Variants in CDH13 observed in about 807,000 individuals in gnomAD.
The protein encoded by CDH13 is cadherin 13, also known as cadherin-13.
Under a neutral mutation model 63.8 loss-of-function variants are expected in CDH13, and 24 were observed. The observed-to-expected ratio is 0.38, with a 90% confidence interval of 0.27 to 0.53. The LOEUF is 0.53. Ranked by LOEUF, CDH13 falls within the 20% of genes least tolerant of loss-of-function variation. The pLI is 0.85. For missense variants in CDH13, 1,049 were observed against 903.1 expected, an observed-to-expected ratio of 1.16 and a Z score of -2.07; for synonymous variants, 503 against 355.3, an observed-to-expected ratio of 1.42 and a Z score of -4.67.
intron 1 of CDH13, among the ~76,000 whole-genome samples, chr16:82,722,172 A>G (rs2032814816): frequency 6.6e-6 from 1 of 152,182 alleles, no homozygotes; most frequent in South Asian, 2.1e-4. Flanking sequence ...AACCCTCTCA[A>G]TTTTAAGGGG....
intron 3 of CDH13, among the ~76,000 whole-genome samples, chr16:83,115,437 G>C (rs1425794970): frequency 6.6e-6 from 1 of 152,228 alleles, no homozygotes; most frequent in Non-Finnish European, 1.5e-5. Context: ...ATAAAGGTTA[G>C]AAGGAACCAG....
chr16:83,764,599 G>T (rs1405287064), intron 11 of CDH13, among the ~76,000 whole-genome samples: 1 of 152,020 alleles, frequency 6.6e-6, no homozygotes, highest in Non-Finnish European at 1.5e-5. Context: ...CCCTTCCTCT[G>T]TGAGGCTCCC....
intron 10 of CDH13, among the ~76,000 whole-genome samples, chr16:83,686,595 G>T (rs1904329916): frequency 6.6e-6 from 1 of 152,212 alleles, no homozygotes; most frequent in Non-Finnish European, 1.5e-5. Context: ...CACCTTGCAA[G>T]AACGGTGGAT....
intron 1 of CDH13, among the ~76,000 whole-genome samples, chr16:82,656,798 T>C (rs972769338): frequency 1.4e-4 from 22 of 152,194 alleles, no homozygotes; most frequent in African/African-American, 4.8e-4. Flanking sequence ...TCCATAGCTT[T>C]GCCTTTCCCA....
At chr16:83,210,181 C>T (rs1190822347) in intron 4 of CDH13, among the ~76,000 whole-genome samples, 1 of 152,052 alleles carries the variant, frequency 6.6e-6, no homozygotes, top group Non-Finnish European at 1.5e-5. Flanking sequence ...TCTCCTGCCT[C>T]AGCCTCCCGA....
At chr16:82,921,357 T>A (rs551176085) in intron 2 of CDH13, among the ~76,000 whole-genome samples, 11 of 152,262 alleles carry the variant, frequency 7.2e-5, no homozygotes, top group African/African-American at 9.6e-5. Context: ...TCACATCACT[T>A]TGATCCTCAA....
At chr16:82,966,036 T>A (rs1597315681) in intron 2 of CDH13, among the ~76,000 whole-genome samples, 1 of 152,220 alleles carries the variant, frequency 6.6e-6, no homozygotes, top group Non-Finnish European at 1.5e-5. Flanking sequence ...GCCTCAGAGG[T>A]ACCTTGGCAG....
intron 4 of CDH13, among the ~76,000 whole-genome samples, chr16:83,145,802 C>T (rs960971743): frequency 2.0e-5 from 3 of 152,162 alleles, no homozygotes; most frequent in East Asian, 1.9e-4. Context: ...TTATTGGAAT[C>T]TTTCACCTTC....
In CDH13 at chr16:83,096,539, A is replaced by C. The variant is rs568512505; in HGVS notation, c.367-28846A>C. Among the ~76,000 whole-genome samples, 130 of 152,332 alleles carry C rather than the reference A, an allele frequency of 8.5e-4. 1 individual carries two copies. Among genetic ancestry groups the C allele is most frequent in the African/African-American group, 2.8e-3 (115 of 41,580 alleles). ...TATGACCACATCTCCTGAGTATTTT[A>C]TTGCCACCACGACTCATGATTTCAA... On this transcript the variant is annotated intron_variant, in intron 3 of 13. Coordinates refer to ENST00000567109, the MANE Select transcript of CDH13 (RefSeq NM_001257.5).
At chr16:83,409,164 C>A (rs1400226710) in intron 6 of CDH13, among the ~76,000 whole-genome samples, 1 of 152,114 alleles carries the variant, frequency 6.6e-6, no homozygotes, top group Admixed American at 6.5e-5. Flanking sequence ...CAGCCAGCTG[C>A]TTTCATGAGA....
chr16:83,559,407 A>C (rs377592303), intron 7 of CDH13, among the ~76,000 whole-genome samples: 2 of 152,124 alleles, frequency 1.3e-5, no homozygotes, highest in East Asian at 3.9e-4. Flanking sequence ...CCCTGTCTCT[A>C]CTAAAAATAT....
At chr16:83,282,628 T>C (rs2151857762) in intron 5 of CDH13, among the ~76,000 whole-genome samples, 1 of 152,314 alleles carries the variant, frequency 6.6e-6, no homozygotes, top group East Asian at 1.9e-4. Context: ...GTTACTGTCC[T>C]TAGTGTAAAA....
At chr16:83,472,535 T>G (rs1025557235) in intron 6 of CDH13, among the ~76,000 whole-genome samples, 1 of 152,144 alleles carries the variant, frequency 6.6e-6, no homozygotes, top group Non-Finnish European at 1.5e-5. Context: ...GGGGCGGGAC[T>G]CACAACCCCA....
At chr16:82,855,130 G>T (rs147153099) in intron 1 of CDH13, among the ~76,000 whole-genome samples, 27 of 152,296 alleles carry the variant, frequency 1.8e-4, no homozygotes, top group African/African-American at 6.0e-4. Context: ...AGATAAAACT[G>T]TGCCTTTGGG....
intron 7 of CDH13, among the ~76,000 whole-genome samples, chr16:83,518,734 G>T (rs932737259): frequency 1.3e-5 from 2 of 152,060 alleles, no homozygotes; most frequent in African/African-American, 4.8e-5. Context: ...GCCTCCCAAA[G>T]TGCTGGGATT....
intron 4 of CDH13, among the ~76,000 whole-genome samples, chr16:83,215,126 G>C (rs1167273205): frequency 9.1e-6 from 1 of 109,906 alleles, no homozygotes; most frequent in Non-Finnish European, 1.7e-5. Flanking sequence ...ACTCAGGCTA[G>C]AGTGCAGTGG....
intron 10 of CDH13, among the ~76,000 whole-genome samples, chr16:83,724,405 T>C (rs1434264670): frequency 7.1e-6 from 1 of 141,360 alleles, no homozygotes; most frequent in Non-Finnish European, 1.6e-5. Context: ...CATGGGTGAG[T>C]GATGAATGCA....
intron 4 of CDH13, among the ~76,000 whole-genome samples, chr16:83,142,526 G>T (rs747048462): frequency 6.6e-6 from 1 of 152,072 alleles, no homozygotes; most frequent in South Asian, 2.1e-4. Context: ...TTACCTCCTC[G>T]GGGAAGCTTT....
chr16:83,181,111 G>C, intron 4 of CDH13: 1 of 1,067,484 alleles, frequency 9.4e-7, no homozygotes, highest in Non-Finnish European at 1.3e-6. Flanking sequence ...TCACATTATT[G>C]GGTATTTGGG....
Sources: gnomAD v4.1 joint callset for allele counts (sites outside exome capture counted in the v4.1 genomes callset) on GRCh38, gnomAD v4.1.1 for gene constraint, MANE v1.5 for transcripts, NCBI Gene and HGNC (gene_info 2026-07-23, HGNC 2026-07-21) for gene names.